SIK3: variants seen among roughly 807,000 people sequenced by gnomAD.
SIK3 encodes the protein SIK family kinase 3.
A neutral mutation model predicts 144.2 loss-of-function variants in SIK3; 28 were observed. The ratio of observed to expected loss-of-function variants is 0.19; its 90% CI spans 0.14 to 0.27. The LOEUF is 0.27. Among genes scored for constraint, SIK3 ranks in the 10% least tolerant of loss-of-function variants. The probability of loss-of-function intolerance (pLI) is 1.00; values close to 1 mark genes in which losing one functional copy is unlikely to be tolerated. For missense variants in SIK3, 1,319 were observed against 1,776.0 expected (o/e 0.74, Z 4.62); for synonymous variants, 686 against 676.3 (o/e 1.01, Z -0.22).
chr11:117,064,400 T>C (rs1565608801), intron 1 of SIK3, among the ~76,000 whole-genome samples: 1 of 152,190 alleles, frequency 6.6e-6, no homozygotes, highest in Non-Finnish European at 1.5e-5. Context: ...TTTTCTTTAT[T>C]CTTTGAGATT....
chr11:116,966,300 TGGG>T (rs1949546514), intron 1 of SIK3, among the ~76,000 whole-genome samples: 1 of 152,016 alleles, frequency 6.6e-6, no homozygotes, highest in Non-Finnish European at 1.5e-5. Context: ...GAGACTGAGG[TGGG>T]AAGATCATTT....
At chr11:117,031,588 C>T (rs1196504885) in intron 1 of SIK3, among the ~76,000 whole-genome samples, 1 of 150,552 alleles carries the variant, frequency 6.6e-6, no homozygotes, top group East Asian at 1.9e-4. Context: ...ATGGCGCGAT[C>T]TTGGCTCACT....
At chr11:117,092,774 C>G (rs1955303963) in intron 1 of SIK3, among the ~76,000 whole-genome samples, 1 of 152,070 alleles carries the variant, frequency 6.6e-6, no homozygotes, top group South Asian at 2.1e-4. Flanking sequence ...TTTTTCTTTT[C>G]AAAGCATCCA....
At chr11:116,875,640 T>C (rs1944211100) in intron 9 of SIK3, 189 bp from the exon 10 acceptor site, 2 of 810,892 alleles carry the variant, frequency 2.5e-6, no homozygotes, top group Non-Finnish European at 3.8e-6. Context: ...TGATTTGCTA[T>C]TTCTTCAAAA....
At chr11:116,983,719 T>C (rs967475488) in intron 1 of SIK3, among the ~76,000 whole-genome samples, 2 of 152,158 alleles carry the variant, frequency 1.3e-5, no homozygotes, top group African/African-American at 2.4e-5. Flanking sequence ...TTTTAAACAC[T>C]ATTGGGAGCT....
intron 1 of SIK3, among the ~76,000 whole-genome samples, chr11:117,088,823 T>A (rs918914287): frequency 2.6e-5 from 4 of 151,676 alleles, no homozygotes; most frequent in African/African-American, 9.7e-5. Context: ...ACCACAGGCA[T>A]GCACCACCAC....
chr11:116,899,073 T>C lies in SIK3; in HGVS notation c.617-1756A>G, dbSNP rs533636529. ...TGCCTATGTCCTGAATGGTAATGCC[T>C]AGGTTTTCTTCTAGGGTTTTTATGG... On this transcript the variant is annotated intron_variant, in intron 4 of 24. Coordinates refer to ENST00000445177, the MANE Select transcript of SIK3 (RefSeq NM_001366686.3). 1.1e-4 allele frequency among the ~76,000 whole-genome samples: 16 copies of C among 152,274 alleles called. No individual in the cohort carries two copies. In the South Asian group the frequency reaches 2.5e-3, roughly 24 times the overall value.
chr11:116,931,776 A>G (rs1047516458), intron 3 of SIK3, among the ~76,000 whole-genome samples: 2 of 152,210 alleles, frequency 1.3e-5, no homozygotes, highest in African/African-American at 2.4e-5. Context: ...TTTATCAAAC[A>G]AACGCTTCTT....
Position 117,098,264 on chromosome 11 carries a change from G to A in SIK3, c.152C>T (p.Pro51Leu). 3 of 1,400,582 alleles carry A rather than the reference G, an allele frequency of 2.1e-6. No homozygotes were observed. Among genetic ancestry groups the A allele is most frequent in the Non-Finnish European group, 2.8e-6 (3 of 1,068,796 alleles). 86.8% of individuals were successfully genotyped at this position (1,400,582 alleles called of 1,614,324 possible). The change falls in exon 1 of 25, where the codon CCA becomes CTA. Residue 51 changes from proline to leucine, a missense_variant. Pro to Leu is a moderately conservative substitution (Grantham distance 98). This residue lies in a region of SIK3 where 114 missense variants were observed against 116.2 expected (regional missense o/e 0.98). Transcript: ENST00000445177. ...CATGGGTCCGCGGGAGGCCGGGGCT[G>A]GGGGACGCGGCTGGCCGGCCGCAGG... ...VSPAAGQPRPPAPASRGPMPA... is the reference protein window; with the variant it reads ...VSPAAGQPRPLAPASRGPMPA...
intron 1 of SIK3, among the ~76,000 whole-genome samples, chr11:117,066,144 A>G (rs1383355491): frequency 6.8e-6 from 1 of 146,600 alleles, no homozygotes; most frequent in Non-Finnish European, 1.5e-5. Flanking sequence ...ACCTCAGCTC[A>G]CTGCAACCTC....
chr11:116,869,376 T>C (rs1943832065), intron 14 of SIK3: 1 of 152,226 alleles, frequency 6.6e-6, no homozygotes, highest in African/African-American at 2.4e-5. Context: ...TCTTAAAAAA[T>C]GGTCTCATTT....
In SIK3 at chr11:116,845,278, AAAAG is replaced by A. The variant is rs1446863666; in HGVS notation, c.*361_*364del. The stretch of plus-strand genomic sequence containing the variant: ...GTTTCAAAAAAGGAACGAAAGAAAA[AAAAG>A]AAAGGAAGAAAAAAAAGAAAGTATA... On this transcript the variant is annotated 3_prime_UTR_variant, in exon 25 of 25. Coordinates refer to ENST00000445177, the MANE Select transcript of SIK3 (RefSeq NM_001366686.3). The A allele has an allele frequency of 1.4e-5, 2 of 145,182 alleles. No individual in the cohort carries two copies. The highest frequency in any genetic ancestry group is 2.9e-5 in the Non-Finnish European group (2 of 68,012). The allele number at this position is 145,182 out of a possible 1,614,324, so 9.0% of individuals were successfully genotyped here.
At chr11:117,095,747 C>CA (rs2134106404) in intron 1 of SIK3, among the ~76,000 whole-genome samples, 1 of 152,334 alleles carries the variant, frequency 6.6e-6, no homozygotes, top group East Asian at 1.9e-4. Context: ...TTAAGCTTCA[C>CA]TCATGTAGTC....
At chr11:117,070,404 T>C (rs758488376) in intron 1 of SIK3, among the ~76,000 whole-genome samples, 19 of 152,114 alleles carry the variant, frequency 1.2e-4, no homozygotes, top group Non-Finnish European at 2.4e-4. Context: ...TGAGCCATGA[T>C]TGTGCCACTT....
At position 116,945,131 on chromosome 11, in the gene SIK3, T is replaced by C. The variant is rs541994554; in HGVS notation, c.454+8913A>G. Among the ~76,000 whole-genome samples, 314 of 152,210 alleles carry C rather than the reference T, an allele frequency of 2.1e-3. 3 individuals carry two copies. The highest frequency in any genetic ancestry group is 7.1e-3 in the African/African-American group (293 of 41,520). On this transcript the variant is annotated intron_variant, in intron 3 of 24. Coordinates refer to ENST00000445177, the MANE Select transcript of SIK3 (RefSeq NM_001366686.3). ...TCCGCCACCACACCTGGCTCATTTT[T>C]TGTATTTTTAGTAGAGACAGGGTTT...
At chr11:117,096,561 G>A (rs1393373408) in intron 1 of SIK3, among the ~76,000 whole-genome samples, 1 of 152,144 alleles carries the variant, frequency 6.6e-6, no homozygotes, top group African/African-American at 2.4e-5. Flanking sequence ...TCCCCTCAGG[G>A]TCTGAGGGAG....
intron 21 of SIK3, among the ~76,000 whole-genome samples, chr11:116,854,416 T>A (rs904149914): frequency 6.6e-6 from 1 of 152,238 alleles, no homozygotes; most frequent in African/African-American, 2.4e-5. Flanking sequence ...TAAGAAATGC[T>A]AAGAAGATCA....
intron 4 of SIK3, among the ~76,000 whole-genome samples, chr11:116,912,803 A>G (rs1019420166): frequency 7.9e-5 from 12 of 152,238 alleles, no homozygotes; most frequent in Admixed American, 5.2e-4. Context: ...CCCAAAGATG[A>G]AGACAGAAAT....
At chr11:116,870,940 A>T (rs189403185) in intron 13 of SIK3, among the ~76,000 whole-genome samples, 34 of 152,290 alleles carry the variant, frequency 2.2e-4, no homozygotes, top group African/African-American at 6.3e-4. Context: ...ACAGTAGAAG[A>T]TTGTTTACCT....
Sources: gnomAD v4.1 joint callset for allele counts (sites outside exome capture counted in the v4.1 genomes callset) on GRCh38, gnomAD v4.1.1 for gene constraint, gnomAD v4.1.1 regional missense constraint, MANE v1.5 for transcripts, NCBI Gene and HGNC (gene_info 2026-07-23, HGNC 2026-07-21) for gene names.